Variants in SSBP3 observed in about 807,000 individuals in gnomAD.
SSBP3 encodes the protein single stranded DNA binding protein 3.
In SSBP3, 5 loss-of-function variants were observed where a neutral mutation model predicts 69.6. The observed-to-expected ratio is 0.07, with a 90% CI of 0.04 to 0.15. The LOEUF (loss-of-function observed/expected upper bound fraction) is 0.15, where lower values mean the gene tolerates loss of function less well. Among genes scored for constraint, SSBP3 ranks in the 10% least tolerant of loss-of-function variants. The probability of loss-of-function intolerance (pLI) is 1.00; values close to 1 mark genes in which losing one functional copy is unlikely to be tolerated. For missense variants in SSBP3, 312 were observed against 534.0 expected (o/e 0.58, Z 4.10); for synonymous variants, 196 against 193.4 (o/e 1.01, Z -0.11).
At chr1:54,368,954 G>A (rs1220777743) in intron 4 of SSBP3, among the ~76,000 whole-genome samples, 1 of 152,160 alleles carries the variant, frequency 6.6e-6, no homozygotes, top group Non-Finnish European at 1.5e-5. Flanking sequence ...AAACCCTTGG[G>A]GGCATGAGGG....
In SSBP3 at chr1:54,254,622, T is replaced by C. The variant is rs565112836; in HGVS notation, c.507+2505A>G. On this transcript the variant is annotated intron_variant, in intron 7 of 17. Transcript: ENST00000610401. ...ATGGCCTGTGAGCCCCAGCAAGTCC[T>C]CTAGTCTCGGCTCCCTTTACCCGTC... Among the ~76,000 whole-genome samples the C allele has an allele frequency of 2.6e-5, 4 of 152,196 alleles. No individual in the cohort carries two copies. In the East Asian group the frequency reaches 7.7e-4, roughly 29 times the overall value.
intron 4 of SSBP3, among the ~76,000 whole-genome samples, chr1:54,380,826 A>G (rs1647570526): frequency 6.6e-6 from 1 of 152,138 alleles, no homozygotes; most frequent in African/African-American, 2.4e-5. Flanking sequence ...GCTTCCTTAA[A>G]GCCAGTATAT....
chr1:54,271,528 T>TCACTGCCAGGATCA (rs1645193527), intron 5 of SSBP3, among the ~76,000 whole-genome samples: 2 of 152,176 alleles, frequency 1.3e-5, no homozygotes, highest in Non-Finnish European at 2.9e-5. Context: ...AGAGGCTGGG[T>TCACTGCCAGGATCA]CACTGCCAGG....
At chr1:54,373,030 A>AGAGCAAAC (rs1324168781) in intron 4 of SSBP3, among the ~76,000 whole-genome samples, 1 of 152,204 alleles carries the variant, frequency 6.6e-6, no homozygotes. Flanking sequence ...GGAATGATGA[A>AGAGCAAAC]GAGCAAACCA....
rs1172633863 is a variant in SSBP3, at chr1:54,233,418, G to A, written c.928-4592C>T. 4.7e-5 allele frequency among the ~76,000 whole-genome samples: 7 copies of A among 150,234 alleles called. No individual in the cohort carries two copies. The South Asian group carries it at 6.3e-4, about 14-fold the overall frequency. ...CGTCTGAGAAGTGAGGAGCCTCTCC[G>A]CCCGGCAGCCACCCCATCTGGGAAG... On this transcript the variant is annotated intron_variant, in intron 14 of 17. Transcript: ENST00000610401.
At chr1:54,289,090 G>A (rs896748447) in intron 4 of SSBP3, among the ~76,000 whole-genome samples, 10 of 149,042 alleles carry the variant, frequency 6.7e-5, no homozygotes, top group Non-Finnish European at 1.3e-4. Flanking sequence ...GTAGTTCCCA[G>A]GAAGAGTTCT....
chr1:54,277,957 A>C (rs1182762558), intron 5 of SSBP3, among the ~76,000 whole-genome samples: 2 of 152,200 alleles, frequency 1.3e-5, no homozygotes, highest in Non-Finnish European at 2.9e-5. Context: ...CTGCTTGATT[A>C]TGTAAAATCC....
intron 4 of SSBP3, among the ~76,000 whole-genome samples, chr1:54,353,591 T>C (rs1321452839): frequency 6.6e-6 from 1 of 152,122 alleles, no homozygotes; most frequent in Non-Finnish European, 1.5e-5. Flanking sequence ...CCCAGGTGCA[T>C]TGTCAGATCC....
At chr1:54,240,533 C>T (rs1001318562) in intron 13 of SSBP3, among the ~76,000 whole-genome samples, 12 of 150,190 alleles carry the variant, frequency 8.0e-5, no homozygotes, top group South Asian at 2.1e-4. Context: ...CCAGGAGCTA[C>T]GGAAACTCCA....
intron 17 of SSBP3, among the ~76,000 whole-genome samples, chr1:54,227,578 T>C (rs532435293): frequency 3.9e-5 from 6 of 152,108 alleles, no homozygotes; most frequent in African/African-American, 1.4e-4. Context: ...TCTGGGATTC[T>C]TTTCTGTTTT....
chr1:54,398,852 G>T lies in SSBP3; in HGVS notation c.276+3009C>A, dbSNP rs942502034. Among the ~76,000 whole-genome samples, 9 of 152,190 alleles carry T rather than the reference G, an allele frequency of 5.9e-5. No homozygotes were observed. In the Middle Eastern group the frequency reaches 0.01, roughly 173 times the overall value. The stretch of plus-strand genomic sequence containing the variant: ...CCCCTGTAAGCACTTCCTACCCACC[G>T]AAGATGGGTCTGGTATCCAGGCTGC... On this transcript the variant is annotated intron_variant, in intron 4 of 17. Coordinates refer to ENST00000610401, the Ensembl canonical transcript of SSBP3.
At chr1:54,338,234 G>A (rs1012083211) in intron 4 of SSBP3, among the ~76,000 whole-genome samples, 1 of 152,226 alleles carries the variant, frequency 6.6e-6, no homozygotes, top group African/African-American at 2.4e-5. Context: ...GGGCTGCATA[G>A]CCGGCACCTA....
In SSBP3 at chr1:54,381,406, AAG is replaced by A. The variant is rs1462065677; in HGVS notation, c.276+20453_276+20454del. The stretch of plus-strand genomic sequence containing the variant: ...TCAAAAAAAAAAAAAAAAAAAAAAA[AAG>A]AGAGAGAGAGCATGTCAGTAGAGTC... On this transcript the variant is annotated intron_variant, in intron 4 of 17. Transcript: ENST00000610401. Among the ~76,000 whole-genome samples the A allele has an allele frequency of 1.2e-4, 17 of 146,506 alleles. No individual in the cohort carries two copies. The South Asian group carries it at 3.5e-3, about 31-fold the overall frequency.
At chr1:54,383,002 GAAGA>G (rs1557581673) in intron 4 of SSBP3, among the ~76,000 whole-genome samples, 12 of 106,084 alleles carry the variant, frequency 1.1e-4, no homozygotes, top group African/African-American at 4.7e-4. Flanking sequence ...AAAAAAAAAA[GAAGA>G]GAGAGAGAGA....
At chr1:54,296,863 C>A (rs1398383985) in intron 4 of SSBP3, among the ~76,000 whole-genome samples, 1 of 152,184 alleles carries the variant, frequency 6.6e-6, no homozygotes, top group Non-Finnish European at 1.5e-5. Flanking sequence ...GCCTTGCCAT[C>A]CCTGCCCCCA....
Position 54,265,763 on chromosome 1 carries a change from T to C in SSBP3, c.367-7614A>G, listed in dbSNP as rs538485074. ...CCTTACAGCCACCAAGGTCCACTCC[T>C]TGCAAAGGTGAGCAAATGGTTCATT... On this transcript the variant is annotated intron_variant, in intron 5 of 17. Coordinates refer to ENST00000610401, the Ensembl canonical transcript of SSBP3. Among the ~76,000 whole-genome samples the C allele has an allele frequency of 2.0e-5, 3 of 152,336 alleles. No homozygotes were observed. In the East Asian group the frequency reaches 5.8e-4, roughly 29 times the overall value.
At chr1:54,330,550 C>G (rs981235649) in intron 4 of SSBP3, among the ~76,000 whole-genome samples, 2 of 152,182 alleles carry the variant, frequency 1.3e-5, no homozygotes, top group African/African-American at 4.8e-5. Context: ...GCTTTGTTCA[C>G]AGGAGTCCCT....
chr1:54,275,295 C>T (rs1040959439), intron 5 of SSBP3, among the ~76,000 whole-genome samples: 8 of 152,238 alleles, frequency 5.3e-5, no homozygotes, highest in African/African-American at 1.9e-4. Flanking sequence ...GGGACCCCAG[C>T]GCCCCGCCAC....
At chr1:54,316,673 T>C (rs866750880) in intron 4 of SSBP3, among the ~76,000 whole-genome samples, 1 of 72,460 alleles carries the variant, frequency 1.4e-5, no homozygotes, top group African/African-American at 7.5e-5. Flanking sequence ...AATAAATAAA[T>C]AAATAAATAA....
Sources: allele counts gnomAD v4.1 joint callset (sites outside exome capture counted in the v4.1 genomes callset), GRCh38; gene constraint gnomAD v4.1.1; transcripts MANE v1.5; gene names NCBI Gene and HGNC (gene_info 2026-07-23, HGNC 2026-07-21).